Variants in ARHGAP20 observed in about 807,000 individuals in gnomAD.
ARHGAP20 encodes the protein rho GTPase-activating protein 20.
A neutral mutation model predicts 73.7 loss-of-function variants in ARHGAP20; 34 were observed. The ratio of observed to expected loss-of-function variants is 0.46; its 90% confidence interval spans 0.35 to 0.61. ARHGAP20 has a LOEUF of 0.61. Among genes scored for constraint, ARHGAP20 ranks in the 20% least tolerant of loss-of-function variants. ARHGAP20 has a pLI of 0.00. For synonymous variants in ARHGAP20, 523 were observed against 518.2 expected (o/e 1.01, Z -0.13); for missense variants, 1,314 against 1,420.9 (o/e 0.92, Z 1.21).
At chr11:110,625,069 C>T (rs1224174870) in intron 3 of ARHGAP20, among the ~76,000 whole-genome samples, 2 of 139,092 alleles carry the variant, frequency 1.4e-5, no homozygotes, top group African/African-American at 2.7e-5. Flanking sequence ...CTCGCTCTGT[C>T]GCCCAGGCCG....
At chr11:110,638,436 A>G (rs1470913566) in intron 2 of ARHGAP20, among the ~76,000 whole-genome samples, 1 of 152,112 alleles carries the variant, frequency 6.6e-6, no homozygotes, top group East Asian at 1.9e-4. Flanking sequence ...ATACACAGGA[A>G]GGCAACTCAG....
At chr11:110,592,374 C>A (rs1354323792) in intron 9 of ARHGAP20, among the ~76,000 whole-genome samples, 1 of 152,154 alleles carries the variant, frequency 6.6e-6, no homozygotes, top group South Asian at 2.1e-4. Context: ...TGTTTGGGTT[C>A]TTCTCCCATC....
At chr11:110,627,334 C>T in intron 3 of ARHGAP20, among the ~76,000 whole-genome samples, 1 of 152,154 alleles carries the variant, frequency 6.6e-6, no homozygotes, top group East Asian at 1.9e-4. Context: ...CTCAGGTGAT[C>T]TGTCTGCCTC....
intron 2 of ARHGAP20, among the ~76,000 whole-genome samples, chr11:110,688,622 C>T (rs1950182288): frequency 6.6e-6 from 1 of 152,050 alleles, no homozygotes; most frequent in South Asian, 2.1e-4. Flanking sequence ...AATACTGTCC[C>T]TTGAGGTTTC....
intron 12 of ARHGAP20, among the ~76,000 whole-genome samples, chr11:110,585,013 G>A (rs1211113598): frequency 8.3e-6 from 1 of 120,552 alleles, no homozygotes; most frequent in African/African-American, 2.7e-5. Flanking sequence ...GAATATGTAT[G>A]TGAACATATA....
chr11:110,654,074 C>A (rs927225487), intron 2 of ARHGAP20, among the ~76,000 whole-genome samples: 1 of 152,008 alleles, frequency 6.6e-6, no homozygotes, highest in Admixed American at 6.6e-5. Flanking sequence ...GGGGGAGCAT[C>A]AGGAAAAATA....
intron 9 of ARHGAP20, among the ~76,000 whole-genome samples, chr11:110,602,867 T>C (rs887111546): frequency 6.6e-6 from 1 of 152,216 alleles, no homozygotes; most frequent in African/African-American, 2.4e-5. Context: ...ATAGTCTGCA[T>C]AGAATAACTA....
intron 2 of ARHGAP20, among the ~76,000 whole-genome samples, chr11:110,658,104 G>C (rs1949512731): frequency 6.6e-6 from 1 of 152,158 alleles, no homozygotes. Context: ...GGATAGTTGA[G>C]TAAGCCTTTT....
At chr11:110,666,544 G>A (rs112923926) in intron 2 of ARHGAP20, among the ~76,000 whole-genome samples, 43 of 152,258 alleles carry the variant, frequency 2.8e-4, no homozygotes, top group African/African-American at 9.6e-4. Context: ...CCAATTGATT[G>A]TAAACATACC....
chr11:110,648,210 A>AATATATATGTAT (rs1949254579), intron 2 of ARHGAP20, among the ~76,000 whole-genome samples: 1 of 113,330 alleles, frequency 8.8e-6, no homozygotes, highest in African/African-American at 3.9e-5. Context: ...TATATATGTA[A>AATATATATGTAT]ATATATATAT....
chr11:110,690,682 A>G, intron 1 of ARHGAP20, 53 bp from the exon 2 acceptor site: 1 of 1,549,792 alleles, frequency 6.5e-7, no homozygotes, highest in Non-Finnish European at 8.9e-7. Flanking sequence ...AGGCAAGACA[A>G]TGTTGATTTT....
At chr11:110,680,902 A>G (rs1565474493) in intron 2 of ARHGAP20, among the ~76,000 whole-genome samples, 2 of 152,190 alleles carry the variant, frequency 1.3e-5, no homozygotes, top group African/African-American at 4.8e-5. Context: ...TTGGTAAAAA[A>G]TTTGCCAACT....
intron 2 of ARHGAP20, among the ~76,000 whole-genome samples, chr11:110,631,471 C>T (rs142465059): frequency 3.5e-4 from 53 of 152,174 alleles, no homozygotes; most frequent in African/African-American, 1.2e-3. Context: ...TTTTATATAT[C>T]GAAGTATTTT....
At chr11:110,686,125 T>C (rs1950127003) in intron 2 of ARHGAP20, among the ~76,000 whole-genome samples, 1 of 152,138 alleles carries the variant, frequency 6.6e-6, no homozygotes, top group Non-Finnish European at 1.5e-5. Context: ...AGTTTTATAC[T>C]ATAAAATTTA....
At chr11:110,591,273 A>G (rs1474905880) in intron 10 of ARHGAP20, among the ~76,000 whole-genome samples, 1 of 152,238 alleles carries the variant, frequency 6.6e-6, no homozygotes, top group Admixed American at 6.5e-5. Flanking sequence ...ACTGTGTAAC[A>G]TTGAGTGCAG....
chr11:110,629,304 A>G (rs1004115929), intron 3 of ARHGAP20, among the ~76,000 whole-genome samples: 15 of 152,334 alleles, frequency 9.8e-5, no homozygotes, highest in Admixed American at 1.3e-4. Context: ...CCTGAGCCTC[A>G]GTGTTCAATA....
Position 110,608,991 on chromosome 11 carries a change from T to C in ARHGAP20, c.768A>G (p.Pro256=). Residue 256 remains proline (P), a synonymous_variant, in exon 8 of 15, where the codon CCA becomes CCG. Coordinates refer to ENST00000683387, the MANE Select transcript of ARHGAP20 (RefSeq NM_001384657.1). ...VNSGKEEAPY[P]LIGHEYPYGI... ...ACTTTTGCAAAAACTTACCAATGAGTGGGTATGGAGCCTCTTCTTTGCCAG... is the reference window on the plus strand; with the variant it reads ...ACTTTTGCAAAAACTTACCAATGAGCGGGTATGGAGCCTCTTCTTTGCCAG... 1.9e-6 allele frequency: 3 copies of C among 1,613,076 alleles called. No homozygotes were observed. Among genetic ancestry groups the C allele is most frequent in the Non-Finnish European group, 2.5e-6 (3 of 1,179,384 alleles).
intron 2 of ARHGAP20, among the ~76,000 whole-genome samples, chr11:110,647,439 G>C (rs954520323): frequency 3.3e-5 from 5 of 151,990 alleles, no homozygotes; most frequent in Non-Finnish European, 7.4e-5. Context: ...ACAGACAAGG[G>C]TTTCCAACAC....
intron 11 of ARHGAP20, chr11:110,589,506 T>A (rs899373515): frequency 8.1e-6 from 8 of 985,334 alleles, no homozygotes; most frequent in Non-Finnish European, 9.6e-6. Flanking sequence ...CAGCCTGAGA[T>A]ACAGGCTGGG....
Sources: allele counts gnomAD v4.1 joint callset (sites outside exome capture counted in the v4.1 genomes callset), GRCh38; gene constraint gnomAD v4.1.1; transcripts MANE v1.5; gene names NCBI Gene and HGNC (gene_info 2026-07-23, HGNC 2026-07-21).